The following GRID2 variants were observed in gnomAD, a reference collection of about 807,000 sequenced individuals.
The protein encoded by GRID2 is glutamate ionotropic receptor delta type subunit 2.
Under a neutral mutation model 114.8 loss-of-function variants are expected in GRID2, and 33 were observed. The ratio of observed to expected loss-of-function variants is 0.29; its 90% CI spans 0.22 to 0.38. GRID2 has a LOEUF of 0.38. Ranked by LOEUF, GRID2 falls within the 10% of genes least tolerant of loss-of-function variation. The pLI is 1.00. For synonymous variants in GRID2, 505 were observed against 449.9 expected, an observed-to-expected ratio of 1.12 and a Z score of -1.55; for missense variants, 1,184 against 1,257.7, an observed-to-expected ratio of 0.94 and a Z score of 0.89.
intron 1 of GRID2, among the ~76,000 whole-genome samples, chr4:92,307,667 T>C (rs959694530): frequency 6.6e-6 from 1 of 152,122 alleles, no homozygotes; most frequent in African/African-American, 2.4e-5. Flanking sequence ...GAAATGAAAA[T>C]GTATTTATTT....
intron 14 of GRID2, among the ~76,000 whole-genome samples, chr4:93,720,604 C>A (rs533579853): frequency 2.6e-4 from 39 of 152,272 alleles, no homozygotes; most frequent in African/African-American, 7.7e-4. Flanking sequence ...GCTTCACAAA[C>A]TGATATCATT....
chr4:93,497,798 A>G (rs923193865), intron 12 of GRID2, among the ~76,000 whole-genome samples: 11 of 151,804 alleles, frequency 7.2e-5, no homozygotes, highest in Non-Finnish European at 1.6e-4. Flanking sequence ...TTTCAGAATC[A>G]TTTTAGCTAT....
At chr4:92,331,943 C>A (rs185371335) in intron 1 of GRID2, among the ~76,000 whole-genome samples, 21 of 152,236 alleles carry the variant, frequency 1.4e-4, no homozygotes, top group African/African-American at 4.6e-4. Context: ...ACTAGGAGTA[C>A]AGCATGTGAC....
At chr4:92,983,890 G>C (rs973603270) in intron 2 of GRID2, among the ~76,000 whole-genome samples, 1 of 152,046 alleles carries the variant, frequency 6.6e-6, no homozygotes, top group East Asian at 1.9e-4. Flanking sequence ...TTTAGGTCTA[G>C]TGAACTAATA....
At chr4:93,739,182 C>CTTTAT (rs892810849) in intron 14 of GRID2, among the ~76,000 whole-genome samples, 75 of 152,118 alleles carry the variant, frequency 4.9e-4, no homozygotes, top group Middle Eastern at 3.4e-3. Context: ...CAAACCATTT[C>CTTTAT]TTTATTTTCT....
intron 6 of GRID2, among the ~76,000 whole-genome samples, chr4:93,217,677 G>GA (rs1217072350): frequency 7.9e-5 from 12 of 151,466 alleles, no homozygotes; most frequent in Admixed American, 7.9e-4. Context: ...CAAGAGACGG[G>GA]AAAAAAATCA....
intron 4 of GRID2, among the ~76,000 whole-genome samples, chr4:93,165,269 G>C (rs1738138225): frequency 6.6e-6 from 1 of 152,094 alleles, no homozygotes; most frequent in African/African-American, 2.4e-5. Flanking sequence ...CAATGTCATA[G>C]TAGGTTGTTG....
intron 15 of GRID2, among the ~76,000 whole-genome samples, chr4:93,770,983 A>T (rs1464501524): frequency 6.6e-6 from 1 of 152,152 alleles, no homozygotes; most frequent in Non-Finnish European, 1.5e-5. Context: ...ACATCAAAAT[A>T]TTTTTCACTG....
intron 2 of GRID2, among the ~76,000 whole-genome samples, chr4:92,708,854 T>C (rs912265845): frequency 1.3e-5 from 2 of 151,904 alleles, no homozygotes; most frequent in Non-Finnish European, 1.5e-5. Context: ...GCGGCGGAGG[T>C]TGCAGTGAGC....
At chr4:92,604,844 C>T (rs916683985) in intron 2 of GRID2, among the ~76,000 whole-genome samples, 9 of 151,928 alleles carry the variant, frequency 5.9e-5, no homozygotes, top group African/African-American at 2.2e-4. Flanking sequence ...TTCCTTTTTC[C>T]ACCCAAATCT....
At chr4:92,493,808 G>C (rs1210894370) in intron 1 of GRID2, among the ~76,000 whole-genome samples, 1 of 152,080 alleles carries the variant, frequency 6.6e-6, no homozygotes, top group Non-Finnish European at 1.5e-5. Flanking sequence ...GCCTTCAGCT[G>C]TTTCCAATAG....
At chr4:92,493,914 C>T (rs1723266755) in intron 1 of GRID2, among the ~76,000 whole-genome samples, 1 of 152,116 alleles carries the variant, frequency 6.6e-6, no homozygotes, top group African/African-American at 2.4e-5. Context: ...TGACTTAACA[C>T]TGTCTTTTTA....
chr4:92,431,040 T>C (rs563479567), intron 1 of GRID2, among the ~76,000 whole-genome samples: 1 of 152,292 alleles, frequency 6.6e-6, no homozygotes, highest in East Asian at 1.9e-4. Context: ...TGAGATCATA[T>C]AAGCTGAAAA....
At chr4:93,780,811 G>A (rs1734464146) in intron 1 of GRID2, among the ~76,000 whole-genome samples, 1 of 152,168 alleles carries the variant, frequency 6.6e-6, no homozygotes, top group African/African-American at 2.4e-5. Flanking sequence ...GGAGAAACAG[G>A]CTCTTAAAGG....
intron 14 of GRID2, among the ~76,000 whole-genome samples, chr4:93,627,455 C>T (rs1742829425): frequency 6.6e-6 from 1 of 152,170 alleles, no homozygotes; most frequent in African/African-American, 2.4e-5. Flanking sequence ...ATCTAAACCT[C>T]TCTCATGACA....
At chr4:93,306,635 T>C (rs1242835956) in intron 8 of GRID2, among the ~76,000 whole-genome samples, 1 of 152,164 alleles carries the variant, frequency 6.6e-6, no homozygotes, top group African/African-American at 2.4e-5. Context: ...ATTTTAAAAA[T>C]AGCTGTTCCA....
chr4:93,207,609 G>T, intron 5 of GRID2, 152 bp downstream of exon 5: 1 of 580,708 alleles, frequency 1.7e-6, no homozygotes, highest in Non-Finnish European at 3.1e-6. Context: ...AAGATAGAAT[G>T]AAGAGTTTTT....
At chr4:92,342,726 C>T (rs1399318033) in intron 1 of GRID2, among the ~76,000 whole-genome samples, 3 of 152,150 alleles carry the variant, frequency 2.0e-5, no homozygotes, top group Non-Finnish European at 4.4e-5. Context: ...TATTGATTGT[C>T]ACTGTGAAGA....
chr4:93,113,122 T>G (rs1478725649), intron 4 of GRID2, among the ~76,000 whole-genome samples: 1 of 152,220 alleles, frequency 6.6e-6, no homozygotes, highest in Non-Finnish European at 1.5e-5. Context: ...ATTTGGATCC[T>G]GTAAAATTTG....
Sources: gnomAD v4.1 joint callset for allele counts (sites outside exome capture counted in the v4.1 genomes callset) on GRCh38, gnomAD v4.1.1 for gene constraint, MANE v1.5 for transcripts, NCBI Gene and HGNC (gene_info 2026-07-23, HGNC 2026-07-21) for gene names.